The following SYK variants were observed in gnomAD, a reference collection of about 807,000 sequenced individuals.
SYK encodes tyrosine-protein kinase SYK.
In SYK, 16 loss-of-function variants were observed where a neutral mutation model predicts 77.8. That is an observed-to-expected ratio of 0.21 (90% CI 0.14 to 0.31). The LOEUF (loss-of-function observed/expected upper bound fraction) is 0.31, where lower values mean the gene tolerates loss of function less well. Among genes scored for constraint, SYK ranks in the 10% least tolerant of loss-of-function variants. SYK has a pLI of 1.00. For missense variants in SYK, 529 were observed against 814.4 expected, an observed-to-expected ratio of 0.65 and a Z score of 4.26; for synonymous variants, 312 against 308.7, an observed-to-expected ratio of 1.01 and a Z score of -0.11.
intron 4 of SYK, 152 bp downstream of exon 4, chr9:90,862,496 A>G: frequency 1.1e-6 from 1 of 921,506 alleles, no homozygotes; most frequent in Non-Finnish European, 1.5e-6. Flanking sequence ...CATGAGAAAC[A>G]CACACCTGGA....
chr9:90,823,542 G>T (rs1266899313), intron 1 of SYK, among the ~76,000 whole-genome samples: 1 of 152,090 alleles, frequency 6.6e-6, no homozygotes, highest in Admixed American at 6.5e-5. Context: ...TACCAATTAT[G>T]TTCTCAGAAC....
At chr9:90,812,828 A>G (rs1288057519) in intron 1 of SYK, among the ~76,000 whole-genome samples, 2 of 151,092 alleles carry the variant, frequency 1.3e-5, no homozygotes, top group African/African-American at 2.4e-5. Flanking sequence ...TGTTGCGAAC[A>G]GTCCTTTCCA....
chr9:90,818,905 G>A (rs1387117819), intron 1 of SYK, among the ~76,000 whole-genome samples: 2 of 152,180 alleles, frequency 1.3e-5, no homozygotes, highest in Non-Finnish European at 2.9e-5. Flanking sequence ...GTTGGCGACT[G>A]CAAATATCAA....
chr9:90,836,623 G>A (rs1776390471), intron 1 of SYK, among the ~76,000 whole-genome samples: 1 of 152,172 alleles, frequency 6.6e-6, no homozygotes, highest in Non-Finnish European at 1.5e-5. Flanking sequence ...CATCATCTCT[G>A]TGTGAGCAGT....
At chr9:90,843,548 G>C (rs1411846201) in intron 1 of SYK, among the ~76,000 whole-genome samples, 1 of 152,054 alleles carries the variant, frequency 6.6e-6, no homozygotes, top group Non-Finnish European at 1.5e-5. Flanking sequence ...TAGCCCTTCT[G>C]TTTGCTTCTC....
At chr9:90,864,387 C>G (rs1040420434) in intron 4 of SYK, among the ~76,000 whole-genome samples, 1 of 152,210 alleles carries the variant, frequency 6.6e-6, no homozygotes. Context: ...AAAAAATTTG[C>G]TGCCCCTAGC....
intron 3 of SYK, among the ~76,000 whole-genome samples, chr9:90,846,334 C>T (rs960862429): frequency 6.6e-6 from 1 of 152,142 alleles, no homozygotes; most frequent in African/African-American, 2.4e-5. Context: ...TCTCAGTGTC[C>T]CTACAGAGAT....
intron 3 of SYK, among the ~76,000 whole-genome samples, chr9:90,850,220 TAAAG>T (rs1826764697): frequency 6.6e-6 from 1 of 152,178 alleles, no homozygotes; most frequent in African/African-American, 2.4e-5. Context: ...CAGACTTAAA[TAAAG>T]AATAATTATT....
At chr9:90,821,450 AG>A (rs1268287721) in intron 1 of SYK, among the ~76,000 whole-genome samples, 1 of 152,264 alleles carries the variant, frequency 6.6e-6, no homozygotes, top group African/African-American at 2.4e-5. Flanking sequence ...AGAGAAAATG[AG>A]GAAGAAGCAA....
At chr9:90,858,490 C>T (rs755726511) in intron 3 of SYK, among the ~76,000 whole-genome samples, 5 of 152,230 alleles carry the variant, frequency 3.3e-5, no homozygotes, top group Non-Finnish European at 5.9e-5. Context: ...ACCCTGAAGG[C>T]GGAAGGCAGC....
chr9:90,841,366 AGTATGTGTGCAGTGTGTG>A (rs1826317185), intron 1 of SYK, among the ~76,000 whole-genome samples: 1 of 64,148 alleles, frequency 1.6e-5, no homozygotes, highest in Non-Finnish European at 3.5e-5. Context: ...TACTGTGTGT[AGTATGTGTGCAGTGTGTG>A]TGTAGTTTGT....
chr9:90,878,620 A>G, intron 10 of SYK, 144 bp from the exon 11 acceptor site: 1 of 631,250 alleles, frequency 1.6e-6, no homozygotes, highest in Non-Finnish European at 2.8e-6. Context: ...TATGCTAACA[A>G]AGTTATTTGT....
At chr9:90,828,235 G>GCCC (rs60327886) in intron 1 of SYK, among the ~76,000 whole-genome samples, 903 of 55,262 alleles carry the variant, frequency 0.016, 34 homozygotes, top group South Asian at 0.053. Context: ...CCTCACCCCC[G>GCCC]CCCCCCCCCC....
At chr9:90,830,776 G>A (rs1047798534) in intron 1 of SYK, among the ~76,000 whole-genome samples, 5 of 151,898 alleles carry the variant, frequency 3.3e-5, no homozygotes, top group African/African-American at 9.7e-5. Flanking sequence ...TAGTAGAGAC[G>A]GGGTTTCACC....
intron 8 of SYK, 131 bp from the exon 9 acceptor site, chr9:90,874,541 T>C: frequency 1.6e-6 from 2 of 1,216,944 alleles, no homozygotes. Flanking sequence ...CTGCCACTCT[T>C]CAGAATTTCT....
At position 90,877,697 on chromosome 9, in the gene SYK, C is replaced by G. The variant is rs201416422; in HGVS notation, c.1308C>G (p.Ile436Met). The change falls in exon 10 of 14, where the codon ATC (isoleucine) becomes ATG (methionine). Residue 436 changes from isoleucine (I) to methionine (M), a missense_variant. Transcript: ENST00000375754. Reference protein sequence around the residue: ...QLDNPYIVRMIGICEAESWML... With the variant: ...QLDNPYIVRMMGICEAESWML... ...ACAACCCGTACATCGTGCGGATGAT[C>G]GGGATATGCGAGGCCGAGTCCTGGA... 1 of 1,614,194 alleles carries G rather than the reference C, an allele frequency of 6.2e-7. No individual in the cohort carries two copies. The highest frequency in any genetic ancestry group is 8.5e-7 in the Non-Finnish European group (1 of 1,180,018).
chr9:90,864,693 C>A, intron 5 of SYK, 26 bp downstream of exon 5: 1 of 1,601,986 alleles, frequency 6.2e-7, no homozygotes, highest in South Asian at 1.1e-5. Flanking sequence ...ACTGGAGTCT[C>A]AGTGTTTGAG....
intron 9 of SYK, among the ~76,000 whole-genome samples, chr9:90,875,899 C>A (rs1448215195): frequency 2.0e-5 from 3 of 151,558 alleles, no homozygotes. Context: ...CATGGTATTT[C>A]AAATGTAAGG....
chr9:90,886,363 G>A (rs555446066), intron 11 of SYK, among the ~76,000 whole-genome samples: 115 of 152,348 alleles, frequency 7.5e-4, no homozygotes, highest in African/African-American at 2.6e-3. Flanking sequence ...CTGTTTGTGG[G>A]AATGTAAATT....
Sources: allele counts gnomAD v4.1 joint callset (sites outside exome capture counted in the v4.1 genomes callset), GRCh38; gene constraint gnomAD v4.1.1; transcripts MANE v1.5; gene names NCBI Gene and HGNC (gene_info 2026-07-23, HGNC 2026-07-21).